The following PTPRM variants were observed in gnomAD, a reference collection of about 807,000 sequenced individuals.
PTPRM encodes receptor-type tyrosine-protein phosphatase mu.
A neutral mutation model predicts 186.7 loss-of-function variants in PTPRM; 47 were observed. That is an observed-to-expected ratio of 0.25 (90% CI 0.20 to 0.32). The LOEUF (loss-of-function observed/expected upper bound fraction) is 0.32. Among genes scored for constraint, PTPRM ranks in the 10% least tolerant of loss-of-function variants. The pLI is 1.00. For synonymous variants in PTPRM, 668 were observed against 674.9 expected, an observed-to-expected ratio of 0.99 and a Z score of 0.16; for missense variants, 1,494 against 1,865.0, an observed-to-expected ratio of 0.80 and a Z score of 3.66.
intron 22 of PTPRM, among the ~76,000 whole-genome samples, chr18:8,320,236 A>AGGGAAT (rs1213230796): frequency 6.6e-6 from 1 of 152,226 alleles, no homozygotes; most frequent in Non-Finnish European, 1.5e-5. Context: ...GTCAGTGACA[A>AGGGAAT]GGGAATCAAC....
At chr18:7,588,609 C>T (rs538704111) in intron 1 of PTPRM, among the ~76,000 whole-genome samples, 41 of 152,214 alleles carry the variant, frequency 2.7e-4, no homozygotes, top group African/African-American at 9.4e-4. Context: ...AGATTCTTTT[C>T]TTGACAGCTA....
intron 7 of PTPRM, among the ~76,000 whole-genome samples, chr18:8,044,355 T>G (rs2086883493): frequency 1.3e-5 from 2 of 152,198 alleles, no homozygotes; most frequent in South Asian, 4.1e-4. Context: ...TTTCTGCAAC[T>G]AGAGGTAAAT....
At chr18:8,384,152 A>C (rs2095756445) in intron 29 of PTPRM, among the ~76,000 whole-genome samples, 1 of 152,350 alleles carries the variant, frequency 6.6e-6, no homozygotes, top group South Asian at 2.1e-4. Context: ...AGTCAGTGAA[A>C]TCTTCAGAAT....
intron 1 of PTPRM, among the ~76,000 whole-genome samples, chr18:7,661,117 G>C (rs1004153251): frequency 1.3e-5 from 2 of 152,188 alleles, no homozygotes; most frequent in African/African-American, 2.4e-5. Context: ...AGGGAAAAAT[G>C]ATGAAGAGGC....
intron 1 of PTPRM, among the ~76,000 whole-genome samples, chr18:7,679,852 CT>C (rs778592330): frequency 6.6e-6 from 1 of 151,320 alleles, no homozygotes; most frequent in East Asian, 1.9e-4. Context: ...TGACAATAGA[CT>C]TTTTTTGAAA....
intron 15 of PTPRM, among the ~76,000 whole-genome samples, chr18:8,247,060 A>C (rs1453861269): frequency 6.6e-6 from 1 of 152,016 alleles, no homozygotes; most frequent in Non-Finnish European, 1.5e-5. Context: ...TACTTTAATG[A>C]AATTAAACTG....
At chr18:8,113,912 A>G (rs962018075) in intron 12 of PTPRM, among the ~76,000 whole-genome samples, 153 bp downstream of exon 12, 1 of 151,766 alleles carries the variant, frequency 6.6e-6, no homozygotes, top group Non-Finnish European at 1.5e-5. Flanking sequence ...ATTTTTGTCT[A>G]GAGAAATTTA....
At chr18:8,266,202 G>C (rs1407801559) in intron 19 of PTPRM, among the ~76,000 whole-genome samples, 1 of 151,970 alleles carries the variant, frequency 6.6e-6, no homozygotes, top group African/African-American at 2.4e-5. Context: ...GCACACTTTT[G>C]TATCAAGTTC....
chr18:8,032,550 C>A lies in PTPRM; in HGVS notation c.1133-37136C>A, dbSNP rs191944847. Among the ~76,000 whole-genome samples the A allele has an allele frequency of 7.5e-3, 1,144 of 152,102 alleles. 6 individuals are homozygous for A. Among genetic ancestry groups the A allele is most frequent in the South Asian group, 0.029 (142 of 4,820 alleles). ...TGTCAGTTCTCCCAAGAGTAATCTA[C>A]AAATTTAATATAATTTCAATTAAAA... On this transcript the variant is annotated intron_variant, in intron 7 of 32. Coordinates refer to ENST00000580170, the MANE Select transcript of PTPRM (RefSeq NM_001105244.2).
At chr18:8,153,679 A>G (rs1277253151) in intron 14 of PTPRM, among the ~76,000 whole-genome samples, 2 of 152,228 alleles carry the variant, frequency 1.3e-5, no homozygotes, top group Non-Finnish European at 2.9e-5. Context: ...CTAATTGTCC[A>G]GGACTTTTTA....
chr18:8,067,066 C>T (rs1568283237), intron 7 of PTPRM, among the ~76,000 whole-genome samples: 1 of 152,182 alleles, frequency 6.6e-6, no homozygotes, highest in Non-Finnish European at 1.5e-5. Flanking sequence ...AAATAGTTTT[C>T]CATTGAAATT....
At chr18:7,666,924 T>C (rs1248897716) in intron 1 of PTPRM, among the ~76,000 whole-genome samples, 5 of 152,178 alleles carry the variant, frequency 3.3e-5, no homozygotes, top group Non-Finnish European at 5.9e-5. Context: ...ATTTTAGGGC[T>C]GGCCTGGGAG....
At chr18:7,895,683 G>A (rs931711550) in intron 3 of PTPRM, among the ~76,000 whole-genome samples, 3 of 152,200 alleles carry the variant, frequency 2.0e-5, no homozygotes, top group East Asian at 1.9e-4. Context: ...TTCTCACTTC[G>A]CTTTGGCTAC....
At chr18:7,926,379 A>G (rs1316354005) in intron 4 of PTPRM, among the ~76,000 whole-genome samples, 189 bp from the exon 5 acceptor site, 1 of 152,216 alleles carries the variant, frequency 6.6e-6, no homozygotes, top group East Asian at 1.9e-4. Flanking sequence ...CTTTTACACA[A>G]CATACTAAAA....
At chr18:7,612,422 C>T (rs1019974815) in intron 1 of PTPRM, among the ~76,000 whole-genome samples, 2 of 152,052 alleles carry the variant, frequency 1.3e-5, no homozygotes, top group African/African-American at 2.4e-5. Flanking sequence ...TTCCTCATGC[C>T]GATTTCTTCT....
intron 1 of PTPRM, among the ~76,000 whole-genome samples, chr18:7,772,381 T>TTCTTTCTTTC (rs1379103590): frequency 1.4e-5 from 2 of 144,026 alleles, no homozygotes; most frequent in African/African-American, 5.2e-5. Flanking sequence ...CTTTCTTTCT[T>TTCTTTCTTTC]TCTTTCTTTC....
chr18:7,808,112 T>C (rs904420404), intron 2 of PTPRM, among the ~76,000 whole-genome samples: 3 of 152,234 alleles, frequency 2.0e-5, no homozygotes, highest in African/African-American at 4.8e-5. Flanking sequence ...GATTGTATTA[T>C]AGGCAGTCTC....
intron 14 of PTPRM, among the ~76,000 whole-genome samples, chr18:8,202,370 G>A (rs1234170728): frequency 6.6e-6 from 1 of 152,160 alleles, no homozygotes; most frequent in East Asian, 1.9e-4. Context: ...AAGAAGAGGG[G>A]CGTCTCTGCC....
chr18:8,224,322 A>T (rs2094188508), intron 14 of PTPRM, among the ~76,000 whole-genome samples: 1 of 152,222 alleles, frequency 6.6e-6, no homozygotes. Context: ...AAGACAGTCA[A>T]TGAGGAAAAG....
Sources: allele counts gnomAD v4.1 joint callset (sites outside exome capture counted in the v4.1 genomes callset), GRCh38; gene constraint gnomAD v4.1.1; transcripts MANE v1.5; gene names NCBI Gene and HGNC (gene_info 2026-07-23, HGNC 2026-07-21).